Variants in EXOC4 observed in about 807,000 individuals in gnomAD.
The protein encoded by EXOC4 is SEC8-like 1.
A neutral mutation model predicts 107.2 loss-of-function variants in EXOC4; 71 were observed. That is an observed-to-expected ratio of 0.66 (90% CI 0.55 to 0.81). The LOEUF (loss-of-function observed/expected upper bound fraction) is 0.81, where lower values mean the gene tolerates loss of function less well. EXOC4 is among the 30% of genes least tolerant of loss of function. The probability of loss-of-function intolerance (pLI) is 0.00; values close to 1 mark genes in which losing one functional copy is unlikely to be tolerated. For synonymous variants in EXOC4, 456 were observed against 441.2 expected (o/e 1.03, Z -0.42); for missense variants, 1,108 against 1,189.6 (o/e 0.93, Z 1.01).
In EXOC4 at chr7:133,349,084, A is replaced by G. The variant is rs1229476186; in HGVS notation, c.764-7246A>G. On this transcript the variant is annotated intron_variant, in intron 5 of 17. Coordinates refer to ENST00000253861, the MANE Select transcript of EXOC4 (RefSeq NM_021807.4). The stretch of plus-strand genomic sequence containing the variant: ...TATAAGAATAAAAATTGTGTAAGTG[A>G]TTATATCATGTATGTAATTAAAATG... Among the ~76,000 whole-genome samples the G allele has an allele frequency of 2.0e-5, 3 of 152,060 alleles. No homozygotes were observed. In the East Asian group the frequency reaches 5.8e-4, roughly 29 times the overall value.
intron 10 of EXOC4, among the ~76,000 whole-genome samples, chr7:133,709,743 T>G (rs531696211): frequency 6.6e-6 from 1 of 151,790 alleles, no homozygotes; most frequent in African/African-American, 2.4e-5. Flanking sequence ...GCCAATCTCT[T>G]ACTACTTGTG....
chr7:133,559,751 A>C (rs538283625), intron 9 of EXOC4, among the ~76,000 whole-genome samples: 1 of 151,990 alleles, frequency 6.6e-6, no homozygotes, highest in Non-Finnish European at 1.5e-5. Context: ...TTTCTTTTTC[A>C]TATATCGGCT....
At chr7:133,747,460 T>A (rs1795700178) in intron 10 of EXOC4, among the ~76,000 whole-genome samples, 1 of 152,164 alleles carries the variant, frequency 6.6e-6, no homozygotes, top group East Asian at 1.9e-4. Flanking sequence ...TTATTTTTCT[T>A]ACAGGGAATA....
chr7:133,855,069 C>CTAAATATATATATATATATA (rs1488157652), intron 11 of EXOC4, among the ~76,000 whole-genome samples: 7 of 42,964 alleles, frequency 1.6e-4, no homozygotes, highest in African/African-American at 1.1e-3. Context: ...CTAAATATAT[C>CTAAATATATATATATATATA]TAAATATATC....
chr7:133,836,713 A>G (rs1797926389), intron 11 of EXOC4, among the ~76,000 whole-genome samples: 1 of 152,134 alleles, frequency 6.6e-6, no homozygotes, highest in African/African-American at 2.4e-5. Context: ...GCTGTCTGAA[A>G]AGTCACAATG....
intron 9 of EXOC4, among the ~76,000 whole-genome samples, chr7:133,545,985 G>A (rs1431761070): frequency 6.6e-6 from 1 of 152,132 alleles, no homozygotes; most frequent in African/African-American, 2.4e-5. Context: ...CTCTTGGATT[G>A]GAATGGATTC....
chr7:134,084,942 C>G, the EXOC4 span, among the ~76,000 whole-genome samples: 120 of 152,076 alleles, frequency 7.9e-4, 2 homozygotes, highest in East Asian at 0.021. Context: ...AAGTGACATA[C>G]AGAAATCGGA....
chr7:133,430,460 T>C (rs1797831722), intron 7 of EXOC4, among the ~76,000 whole-genome samples: 1 of 152,214 alleles, frequency 6.6e-6, no homozygotes, highest in African/African-American at 2.4e-5. Context: ...ATTTCCCTGC[T>C]TCTGGTCCAT....
At chr7:133,594,487 T>TGAGCC (rs1801617781) in intron 9 of EXOC4, among the ~76,000 whole-genome samples, 1 of 126,714 alleles carries the variant, frequency 7.9e-6, no homozygotes, top group Non-Finnish European at 1.6e-5. Context: ...ATACATAAGC[T>TGAGCC]TGAGTCTTTT....
chr7:133,735,667 A>G (rs1304057179), intron 10 of EXOC4, among the ~76,000 whole-genome samples: 2 of 152,046 alleles, frequency 1.3e-5, no homozygotes, highest in South Asian at 4.1e-4. Flanking sequence ...CTGAGGAACG[A>G]GTTGTCTTCT....
intron 9 of EXOC4, among the ~76,000 whole-genome samples, chr7:133,600,160 C>A (rs551527673): frequency 1.3e-5 from 2 of 152,144 alleles, no homozygotes; most frequent in African/African-American, 4.8e-5. Flanking sequence ...CCTTGGCCTC[C>A]CGAAGTGCTG....
At chr7:134,008,165 G>A (rs117409765) in intron 17 of EXOC4, among the ~76,000 whole-genome samples, 67 of 152,180 alleles carry the variant, frequency 4.4e-4, no homozygotes, top group Non-Finnish European at 8.8e-4. Flanking sequence ...ATAAACCTTT[G>A]ATCTAGAGGC....
chr7:134,038,907 A>T (rs1795452833), intron 17 of EXOC4, among the ~76,000 whole-genome samples: 1 of 152,254 alleles, frequency 6.6e-6, no homozygotes, highest in African/African-American at 2.4e-5. Flanking sequence ...CTTACCTAGC[A>T]GTCTCAAAGC....
intron 9 of EXOC4, among the ~76,000 whole-genome samples, chr7:133,585,993 T>C (rs942579029): frequency 6.6e-6 from 1 of 151,978 alleles, no homozygotes; most frequent in Admixed American, 6.6e-5. Flanking sequence ...CCACAGCTGG[T>C]CTAGAAATAT....
At chr7:133,321,398 C>T (rs938475029) in intron 5 of EXOC4, among the ~76,000 whole-genome samples, 1 of 151,968 alleles carries the variant, frequency 6.6e-6, no homozygotes, top group African/African-American at 2.4e-5. Context: ...TTAGGTATTT[C>T]TCCTAATGCT....
chr7:133,375,344 C>T (rs1013109885), intron 7 of EXOC4, among the ~76,000 whole-genome samples: 34 of 151,958 alleles, frequency 2.2e-4, no homozygotes, highest in Admixed American at 9.2e-4. Flanking sequence ...GGCGTGGTGG[C>T]GGGCGCCTGT....
At chr7:133,909,009 C>T (rs1799628937) in intron 12 of EXOC4, among the ~76,000 whole-genome samples, 1 of 152,068 alleles carries the variant, frequency 6.6e-6, no homozygotes, top group African/African-American at 2.4e-5. Context: ...CCCGACAGGC[C>T]CCAGTGTGTC....
intron 9 of EXOC4, among the ~76,000 whole-genome samples, chr7:133,507,348 A>G (rs1799686254): frequency 2.0e-5 from 3 of 152,224 alleles, no homozygotes; most frequent in Admixed American, 6.5e-5. Flanking sequence ...AAGTAGCAAC[A>G]TGACTGCTTT....
intron 3 of EXOC4, among the ~76,000 whole-genome samples, chr7:133,303,666 T>C (rs1431023829): frequency 6.6e-6 from 1 of 152,224 alleles, no homozygotes; most frequent in Non-Finnish European, 1.5e-5. Context: ...AAGAGACTAT[T>C]CTCTTTCCTC....
Sources: allele counts gnomAD v4.1 joint callset (sites outside exome capture counted in the v4.1 genomes callset), GRCh38; gene constraint gnomAD v4.1.1; transcripts MANE v1.5; gene names NCBI Gene and HGNC (gene_info 2026-07-23, HGNC 2026-07-21).